Variants in OGG1 observed in about 807,000 individuals in gnomAD.
The protein encoded by OGG1 is N-glycosylase/DNA lyase.
Under a neutral mutation model 42.3 loss-of-function variants are expected in OGG1, and 35 were observed. The ratio of observed to expected loss-of-function variants is 0.83; its 90% CI spans 0.63 to 1.10. The LOEUF is 1.10. Among genes scored for constraint, OGG1 ranks in the 50% least tolerant of loss-of-function variants. The pLI, the probability that OGG1 is intolerant of heterozygous loss-of-function variation, is 0.00. For missense variants in OGG1, 484 were observed against 446.7 expected (o/e 1.08, Z -0.75); for synonymous variants, 189 against 179.0 (o/e 1.06, Z -0.44).
At chr3:9,757,696 C>T (rs2077649403), downstream of OGG1, 2 of 1,613,916 alleles carry the variant, frequency 1.2e-6, no homozygotes, top group African/African-American at 1.3e-5. The surrounding 1 kb of genome is among the most constrained non-coding windows in gnomAD (Gnocchi z 4.5). Context: ...CTTTGTGGAC[C>T]ACCCATGCCC....
chr3:9,775,512 G>C (rs969758438), intron 2 of OGG1, among the ~76,000 whole-genome samples: 9 of 152,150 alleles, frequency 5.9e-5, no homozygotes, highest in African/African-American at 2.2e-4. Flanking sequence ...GCTGCTCTGA[G>C]AGTGCTTTCT....
chr3:9,761,123 T>C (rs1395049188), downstream of OGG1: 2 of 335,454 alleles, frequency 6.0e-6, no homozygotes, highest in Non-Finnish European at 1.1e-5. Flanking sequence ...CTATTCCTGC[T>C]TGGTTTTTCT....
chr3:9,772,856 A>G (rs1165660849), intron 2 of OGG1, among the ~76,000 whole-genome samples: 3 of 152,318 alleles, frequency 2.0e-5, no homozygotes, highest in East Asian at 1.9e-4. Flanking sequence ...AGAGACAACC[A>G]GTGTTCACAT....
chr3:9,765,664 A>G, intron 7 of OGG1: 1 of 1,413,348 alleles, frequency 7.1e-7, no homozygotes, highest in Non-Finnish European at 9.7e-7. Context: ...TAAGGCTTAG[A>G]GAGTTTAAAT....
downstream of OGG1, chr3:9,789,912 C>T: frequency 7.4e-6 from 12 of 1,613,170 alleles, no homozygotes; most frequent in Non-Finnish European, 9.3e-6. Context: ...TGGTCTCGAC[C>T]CAGCTTCAGG....
At chr3:9,784,666 ACCAG>A (rs2078562903) in intron 3 of OGG1, among the ~76,000 whole-genome samples, 2 of 152,006 alleles carry the variant, frequency 1.3e-5, no homozygotes, top group Admixed American at 1.3e-4. Flanking sequence ...GGAGTTCAAG[ACCAG>A]CCCGGCCAAG....
At chr3:9,762,159 TAGGC>T (rs1465203875), downstream of OGG1, 2 of 168,238 alleles carry the variant, frequency 1.2e-5, no homozygotes, top group Non-Finnish European at 2.6e-5. Context: ...AACCCACAGT[TAGGC>T]AGTAGCAGAG....
In OGG1 at chr3:9,786,944, A is replaced by G. The variant is rs1419521121; in HGVS notation, c.383-784A>G. 9.7e-6 allele frequency: 14 copies of G among 1,436,112 alleles called. No individual in the cohort carries two copies. The East Asian group carries it at 2.3e-4, about 23-fold the overall frequency. The allele number at this position is 1,436,112 out of a possible 1,614,324, so 89.0% of individuals were successfully genotyped here. A position where few individuals can be genotyped will look rare whatever the true frequency, so the allele number is the denominator to read the frequency against. ...AATGTATGATAAATTCCGATAAAAA[A>G]TAAGCATAACACATTAAAACACAAA... On this transcript the variant is annotated intron_variant, in intron 3 of 3. Coordinates refer to the OGG1 transcript ENST00000426518.
At chr3:9,759,045 C>G, downstream of OGG1, 1 of 759,202 alleles carries the variant, frequency 1.3e-6, no homozygotes, top group South Asian at 1.4e-5. Context: ...GAGGCCTGGC[C>G]CCTTACCTGC....
intron 3 of OGG1, chr3:9,785,351 T>C (rs2078582562): frequency 2.5e-6 from 4 of 1,614,056 alleles, no homozygotes; most frequent in Non-Finnish European, 3.4e-6. Context: ...GGGAGGTGCT[T>C]GCCCCGTCAG....
chr3:9,767,763 C>G (rs1404099870), downstream of OGG1: 1 of 1,613,812 alleles, frequency 6.2e-7, no homozygotes, highest in Non-Finnish European at 8.5e-7. Context: ...CCACTGCCCC[C>G]CGACCACAGC....
Position 9,750,472 on chromosome 3 carries a change from G to A in OGG1, c.137+49G>A. The A allele has an allele frequency of 1.9e-6, 3 of 1,610,048 alleles. No homozygotes were observed. In the South Asian group the frequency reaches 3.3e-5, roughly 18 times the overall value. On this transcript the variant is annotated intron_variant, in intron 1 of 6. Coordinates refer to ENST00000344629, the MANE Select transcript of OGG1 (RefSeq NM_002542.6). ...CTGTCCCCTCGGACTGGCTCCTGCCGCCTCAACACTGCCTGGCATGGGGTA... is the reference window on the plus strand; with the variant it reads ...CTGTCCCCTCGGACTGGCTCCTGCCACCTCAACACTGCCTGGCATGGGGTA...
At chr3:9,766,162 G>A (rs1283491664) in exon 8 of OGG1, 3 of 935,234 alleles carry the variant, frequency 3.2e-6, no homozygotes, top group Non-Finnish European at 5.1e-6. Context: ...GAGCTGGTAG[G>A]ATGTAAGCCT....
At chr3:9,787,541 T>TC (rs1405462274) in intron 3 of OGG1, 3 of 983,678 alleles carry the variant, frequency 3.0e-6, no homozygotes, top group Non-Finnish European at 4.4e-6. Context: ...CAAAAAGAAC[T>TC]AAGACACACA....
At chr3:9,789,695 T>C (rs2078692948), downstream of OGG1, 1 of 1,610,146 alleles carries the variant, frequency 6.2e-7, no homozygotes, top group Non-Finnish European at 8.5e-7. Flanking sequence ...CCCCCTTCTA[T>C]GTTCTCTAGC....
downstream of OGG1, chr3:9,761,675 G>T (rs780569645): frequency 6.2e-7 from 1 of 1,614,000 alleles, no homozygotes; most frequent in Non-Finnish European, 8.5e-7. Flanking sequence ...CACACTGCCC[G>T]GGTCCTCCAT....
At chr3:9,761,535 G>C, downstream of OGG1, 1 of 1,613,520 alleles carries the variant, frequency 6.2e-7, no homozygotes, top group East Asian at 2.2e-5. Context: ...GGACTTCAGG[G>C]GCTGTGGAGG....
intron 3 of OGG1, chr3:9,787,245 G>T: frequency 6.2e-7 from 1 of 1,614,222 alleles, no homozygotes; most frequent in Non-Finnish European, 8.5e-7. Flanking sequence ...CTTTCTTCTT[G>T]TCAGCCACAG....
chr3:9,783,813 G>T, intron 3 of OGG1: 1 of 759,082 alleles, frequency 1.3e-6, no homozygotes, highest in Non-Finnish European at 1.9e-6. Context: ...CAAATCAATC[G>T]GTCAGTCACA....
Sources: allele counts gnomAD v4.1 joint callset (sites outside exome capture counted in the v4.1 genomes callset), GRCh38; gene constraint gnomAD v4.1.1; non-coding constraint Gnocchi (gnomAD v3.1); transcripts MANE v1.5; gene names NCBI Gene and HGNC (gene_info 2026-07-23, HGNC 2026-07-21).